ARHGAP32: variants seen among roughly 807,000 people sequenced by gnomAD.
ARHGAP32 encodes Rho GTPase activating protein 32, also known as rho GTPase-activating protein 32.
ARHGAP32 carries 51 observed loss-of-function variants against 186.5 expected under a neutral mutation model. The observed-to-expected ratio is 0.27, with a 90% CI of 0.22 to 0.35. The LOEUF is 0.35. Among genes scored for constraint, ARHGAP32 ranks in the 10% least tolerant of loss-of-function variants. The pLI, the probability that ARHGAP32 is intolerant of heterozygous loss-of-function variation, is 1.00. For missense variants in ARHGAP32, 2,186 were observed against 2,623.5 expected (o/e 0.83, Z 3.64); for synonymous variants, 950 against 964.3 (o/e 0.99, Z 0.27).
intron 1 of ARHGAP32, among the ~76,000 whole-genome samples, chr11:129,246,331 A>T (rs561160803): frequency 6.6e-6 from 1 of 152,322 alleles, no homozygotes; most frequent in Non-Finnish European, 1.5e-5. Context: ...GTATCATCAA[A>T]TAAGGGACTC....
Position 128,970,640 on chromosome 11 carries a change from G to A in ARHGAP32, c.4573C>T (p.His1525Tyr). Residue 1525 changes from histidine to tyrosine, a missense_variant, in exon 23 of 23, where the codon CAC becomes TAC. Physicochemically the swap from His to Tyr is moderately conservative, Grantham distance 83 (BLOSUM62 2). This residue lies in a region of ARHGAP32 where 1,502 missense variants were observed against 1,570.0 expected (regional missense o/e 0.96). Coordinates refer to ENST00000682385, the MANE Select transcript of ARHGAP32 (RefSeq NM_001378024.1). This position sits in a 1 kb window ranked among gnomAD's most constrained non-coding sequence, Gnocchi z 5.8. ...QYRPQSVPPH[H>Y]NKLEQHQVYG... is the part of the protein sequence containing the mutation. ...ACTTGGTGCTGCTCCAATTTATTGTGATGGGGAGGTACACTCTGGGGACGG... is the reference window on the plus strand; with the variant it reads ...ACTTGGTGCTGCTCCAATTTATTGTAATGGGGAGGTACACTCTGGGGACGG... 6.2e-7 allele frequency: 1 copy of A among 1,614,198 alleles called. No homozygotes were observed. Among genetic ancestry groups the A allele is most frequent in the Non-Finnish European group, 8.5e-7 (1 of 1,180,040 alleles).
intron 11 of ARHGAP32, among the ~76,000 whole-genome samples, chr11:129,017,444 T>C (rs1485980950): frequency 1.7e-5 from 2 of 118,964 alleles, no homozygotes; most frequent in African/African-American, 6.7e-5. Flanking sequence ...CAAGACCCGG[T>C]CTCAAAAAAA....
intron 2 of ARHGAP32, among the ~76,000 whole-genome samples, chr11:129,146,450 T>C (rs2135440726): frequency 6.6e-6 from 1 of 152,270 alleles, no homozygotes; most frequent in South Asian, 2.1e-4. Flanking sequence ...CATACATTAG[T>C]ATATACAGGG....
chr11:129,007,699 C>A (rs902614398), intron 11 of ARHGAP32, among the ~76,000 whole-genome samples: 2 of 152,108 alleles, frequency 1.3e-5, no homozygotes, highest in African/African-American at 4.8e-5. Flanking sequence ...AGAGGTGGCA[C>A]AAGCACTCCC....
chr11:129,055,920 G>A (rs1591572770), intron 10 of ARHGAP32, among the ~76,000 whole-genome samples: 2 of 152,322 alleles, frequency 1.3e-5, no homozygotes, highest in South Asian at 2.1e-4. Flanking sequence ...ATGGACTTTA[G>A]TTAATAATAG....
chr11:128,994,788 T>C (rs951438090), intron 12 of ARHGAP32, among the ~76,000 whole-genome samples: 1 of 152,236 alleles, frequency 6.6e-6, no homozygotes, highest in Non-Finnish European at 1.5e-5. Context: ...CATTTGAATG[T>C]TCAAATGAAT....
At chr11:129,157,717 G>A (rs981071846) in intron 2 of ARHGAP32, among the ~76,000 whole-genome samples, 3 of 152,056 alleles carry the variant, frequency 2.0e-5, no homozygotes, top group Admixed American at 1.3e-4. Context: ...TCAGATTCAG[G>A]AAATACAGAG....
At chr11:128,992,489 A>G (rs1435458250) in intron 12 of ARHGAP32, among the ~76,000 whole-genome samples, 2 of 152,124 alleles carry the variant, frequency 1.3e-5, no homozygotes, top group Non-Finnish European at 2.9e-5. Context: ...TAAGGATGCC[A>G]AAGTAGGCTG....
upstream of ARHGAP32, among the ~76,000 whole-genome samples, chr11:129,195,472 C>T (rs1293317204): frequency 4.6e-5 from 7 of 152,072 alleles, no homozygotes; most frequent in African/African-American, 1.7e-4. Flanking sequence ...TTTGACTCTG[C>T]CATCACAAGT....
At chr11:129,062,448 G>T (rs1940539597) in intron 9 of ARHGAP32, 91 bp from the exon 10 acceptor site, 1 of 1,053,424 alleles carries the variant, frequency 9.5e-7, no homozygotes, top group South Asian at 1.4e-5. Flanking sequence ...TGTATGAAAA[G>T]GTAAAGTACT....
At chr11:129,025,296 T>G (rs565573571) in intron 11 of ARHGAP32, among the ~76,000 whole-genome samples, 18 of 152,304 alleles carry the variant, frequency 1.2e-4, no homozygotes, top group African/African-American at 4.3e-4. Flanking sequence ...TCCAAAATCT[T>G]CTGCTGTTGA....
At chr11:128,977,946 G>GCTTCAAGCGATCTTCCTGA (rs1464368135) in intron 19 of ARHGAP32, among the ~76,000 whole-genome samples, 4 of 151,060 alleles carry the variant, frequency 2.6e-5, no homozygotes, top group African/African-American at 4.9e-5. Context: ...TGAACTCCTG[G>GCTTCAAGCGATCTTCCTGA]CTTCAAGCGA....
chr11:129,184,453 C>T (rs754566800), intron 1 of ARHGAP32, among the ~76,000 whole-genome samples: 23 of 151,928 alleles, frequency 1.5e-4, no homozygotes, highest in Non-Finnish European at 3.1e-4. Context: ...TGTATCTATA[C>T]GTGAAGAACC....
At chr11:129,237,079 C>G (rs1447787545) in intron 1 of ARHGAP32, among the ~76,000 whole-genome samples, 1 of 152,164 alleles carries the variant, frequency 6.6e-6, no homozygotes, top group South Asian at 2.1e-4. Flanking sequence ...TAAACCATCC[C>G]TGCATTCCCT....
chr11:129,190,503 G>A (rs1169686055), intron 1 of ARHGAP32, among the ~76,000 whole-genome samples: 1 of 152,164 alleles, frequency 6.6e-6, no homozygotes, highest in Non-Finnish European at 1.5e-5. Flanking sequence ...CACATCACTA[G>A]CTCAGTTTCT....
chr11:129,081,177 G>A (rs1356754850), intron 6 of ARHGAP32, among the ~76,000 whole-genome samples: 1 of 152,002 alleles, frequency 6.6e-6, no homozygotes, highest in Non-Finnish European at 1.5e-5. Flanking sequence ...AATTCTATTA[G>A]ACATTCAAAG....
chr11:129,170,538 C>T (rs1466848118), intron 1 of ARHGAP32, among the ~76,000 whole-genome samples: 1 of 152,194 alleles, frequency 6.6e-6, no homozygotes, highest in African/African-American at 2.4e-5. Flanking sequence ...TCATAGTATT[C>T]CATGGTGCAT....
intron 2 of ARHGAP32, among the ~76,000 whole-genome samples, chr11:129,132,323 T>C (rs1942830794): frequency 6.6e-6 from 1 of 151,988 alleles, no homozygotes. Context: ...TACAGAAATA[T>C]TTAAATGTTA....
At chr11:129,168,779 C>A (rs7113810) in intron 1 of ARHGAP32, among the ~76,000 whole-genome samples, 30 of 151,904 alleles carry the variant, frequency 2.0e-4, no homozygotes, top group Non-Finnish European at 3.5e-4. Context: ...AAAGTCTCAA[C>A]AAATTAAAAA....
Sources: gnomAD v4.1 joint callset for allele counts (sites outside exome capture counted in the v4.1 genomes callset) on GRCh38, gnomAD v4.1.1 for gene constraint, gnomAD v4.1.1 regional missense constraint, Gnocchi (gnomAD v3.1) non-coding constraint, MANE v1.5 for transcripts, NCBI Gene and HGNC (gene_info 2026-07-23, HGNC 2026-07-21) for gene names.